EXOC6B: variants seen among roughly 807,000 people sequenced by gnomAD.
EXOC6B encodes exocyst complex component 6B.
EXOC6B carries 54 observed loss-of-function variants against 113.5 expected under a neutral mutation model. The observed-to-expected ratio is 0.48, with a 90% CI of 0.38 to 0.60. EXOC6B has a LOEUF of 0.60. Ranked by LOEUF, EXOC6B falls within the 20% of genes least tolerant of loss-of-function variation. The pLI is 0.00. For missense variants in EXOC6B, 797 were observed against 977.5 expected, an observed-to-expected ratio of 0.82 and a Z score of 2.46; for synonymous variants, 357 against 339.0, an observed-to-expected ratio of 1.05 and a Z score of -0.58.
At chr2:72,376,160 T>C (rs1260679680) in intron 19 of EXOC6B, among the ~76,000 whole-genome samples, 2 of 152,214 alleles carry the variant, frequency 1.3e-5, no homozygotes, top group African/African-American at 4.8e-5. Flanking sequence ...CTTTGAACAA[T>C]GTAATCTATA....
intron 8 of EXOC6B, among the ~76,000 whole-genome samples, chr2:72,530,226 C>T (rs1232642551): frequency 6.6e-6 from 1 of 152,128 alleles, no homozygotes; most frequent in African/African-American, 2.4e-5. Context: ...TTACATTATT[C>T]GTTTAAGACT....
chr2:72,793,168 A>G (rs569315791), intron 1 of EXOC6B, among the ~76,000 whole-genome samples: 6 of 152,058 alleles, frequency 3.9e-5, no homozygotes, highest in Non-Finnish European at 8.8e-5. Context: ...TTTACACATA[A>G]CCTGAATTTT....
At chr2:72,329,661 A>G (rs1688324288) in intron 20 of EXOC6B, among the ~76,000 whole-genome samples, 1 of 152,102 alleles carries the variant, frequency 6.6e-6, no homozygotes, top group Non-Finnish European at 1.5e-5. Flanking sequence ...TTGAAAATCA[A>G]AATTTTATTG....
At chr2:72,190,110 A>T (rs906895595) in intron 20 of EXOC6B, among the ~76,000 whole-genome samples, 1 of 149,792 alleles carries the variant, frequency 6.7e-6, no homozygotes, top group African/African-American at 2.5e-5. Context: ...AGCTCACTGC[A>T]GCCTAGAACT....
chr2:72,571,762 C>T (rs1704523460), intron 7 of EXOC6B, among the ~76,000 whole-genome samples: 1 of 152,226 alleles, frequency 6.6e-6, no homozygotes, highest in East Asian at 1.9e-4. Context: ...AAGCTTTTCC[C>T]ATTTCTAGTA....
chr2:72,809,114 T>C (rs570633975), intron 1 of EXOC6B, among the ~76,000 whole-genome samples: 3 of 150,478 alleles, frequency 2.0e-5, no homozygotes, highest in Non-Finnish European at 3.0e-5. Flanking sequence ...CAAATCAAAA[T>C]AGAGTTCAAA....
rs1430468631 is a variant in EXOC6B, at chr2:72,520,934, A to AATTCCCCC, written c.916-5809_916-5808insGGGGGAAT. On this transcript the variant is annotated intron_variant, in intron 8 of 21. Coordinates refer to ENST00000272427, the MANE Select transcript of EXOC6B (RefSeq NM_015189.3). ...CAGTACCCCAATTCCCCAATTCCCC[A>AATTCCCCC]ATTCCCCTTATCCCATACTCTGAGA... 5.3e-5 allele frequency among the ~76,000 whole-genome samples: 8 copies of AATTCCCCC among 151,926 alleles called. No individual in the cohort carries two copies. In the East Asian group the frequency reaches 1.5e-3, roughly 29 times the overall value.
At position 72,378,511 on chromosome 2, in the gene EXOC6B, A is replaced by T. The variant is rs62149288; in HGVS notation, c.2122+1218T>A. 6.8e-3 allele frequency among the ~76,000 whole-genome samples: 1,036 copies of T among 152,310 alleles called. 11 individuals carry two copies. The highest frequency in any genetic ancestry group is 0.013 in the Non-Finnish European group (873 of 68,024). On this transcript the variant is annotated intron_variant, in intron 19 of 21. Transcript: ENST00000272427. The stretch of plus-strand genomic sequence containing the variant: ...CCTTTTTATGTCTTCTGTCTAATGC[A>T]TGAATAGGGTTGCTTCATGTAGTTT...
chr2:72,292,162 T>C (rs1202636029), intron 20 of EXOC6B, among the ~76,000 whole-genome samples: 1 of 148,418 alleles, frequency 6.7e-6, no homozygotes, highest in Non-Finnish European at 1.5e-5. Context: ...GGCAGGAGGA[T>C]CCAGAAGTAA....
chr2:72,724,466 A>T (rs1680188805), intron 5 of EXOC6B, among the ~76,000 whole-genome samples: 1 of 152,164 alleles, frequency 6.6e-6, no homozygotes, highest in Non-Finnish European at 1.5e-5. Context: ...ACCATTCGCT[A>T]AAACAAAGCC....
At chr2:72,373,806 CTGT>C (rs1691185166) in intron 19 of EXOC6B, among the ~76,000 whole-genome samples, 1 of 152,144 alleles carries the variant, frequency 6.6e-6, no homozygotes, top group Admixed American at 6.6e-5. Context: ...CCTTCATATA[CTGT>C]TGTTGTGAAT....
At chr2:72,196,411 C>G (rs911567447) in intron 20 of EXOC6B, among the ~76,000 whole-genome samples, 15 of 152,044 alleles carry the variant, frequency 9.9e-5, no homozygotes, top group Admixed American at 7.9e-4. Context: ...ATGCTTGAGT[C>G]TGGTAGAAAG....
chr2:72,772,535 T>C (rs1232668773), intron 1 of EXOC6B, among the ~76,000 whole-genome samples: 1 of 152,194 alleles, frequency 6.6e-6, no homozygotes, highest in African/African-American at 2.4e-5. Context: ...GCTTCAGGCC[T>C]GCTCCTGCAG....
intron 18 of EXOC6B, among the ~76,000 whole-genome samples, chr2:72,412,730 A>G (rs1694258212): frequency 6.6e-6 from 1 of 152,136 alleles, no homozygotes; most frequent in African/African-American, 2.4e-5. Context: ...TGTCTTTCAC[A>G]TATCTCCATA....
intron 20 of EXOC6B, among the ~76,000 whole-genome samples, chr2:72,214,238 A>G (rs1680363000): frequency 1.3e-5 from 2 of 152,132 alleles, no homozygotes; most frequent in South Asian, 4.2e-4. Context: ...CTGTAATCCC[A>G]GCACTTTGGG....
At chr2:72,549,505 C>T (rs1703094461) in intron 8 of EXOC6B, among the ~76,000 whole-genome samples, 1 of 152,112 alleles carries the variant, frequency 6.6e-6, no homozygotes, top group South Asian at 2.1e-4. Flanking sequence ...ATGTTTCTGG[C>T]TGGTGACTAC....
chr2:72,321,541 A>C (rs1047496697), intron 20 of EXOC6B, among the ~76,000 whole-genome samples: 3 of 151,990 alleles, frequency 2.0e-5, no homozygotes, highest in African/African-American at 4.8e-5. Context: ...CTCAAAAAAA[A>C]AAAAAAAAAA....
At chr2:72,335,063 A>T in intron 19 of EXOC6B, 43 bp from the exon 20 acceptor site, 2 of 1,548,030 alleles carry the variant, frequency 1.3e-6, no homozygotes, top group Non-Finnish European at 1.8e-6. Context: ...TTAACTAACC[A>T]TGGACAGGGA....
At chr2:72,512,669 T>C (rs150351876) in intron 11 of EXOC6B, among the ~76,000 whole-genome samples, 1 of 152,092 alleles carries the variant, frequency 6.6e-6, no homozygotes, top group East Asian at 1.9e-4. Context: ...CAAAATGGTA[T>C]AGTGGCTAAG....
Sources: allele counts gnomAD v4.1 joint callset (sites outside exome capture counted in the v4.1 genomes callset), GRCh38; gene constraint gnomAD v4.1.1; transcripts MANE v1.5; gene names NCBI Gene and HGNC (gene_info 2026-07-23, HGNC 2026-07-21).